Variants in LONRF1 observed in about 807,000 individuals in gnomAD.
LONRF1 encodes LON peptidase N-terminal domain and RING finger protein 1.
LONRF1 carries 37 observed loss-of-function variants against 85.8 expected under a neutral mutation model. That is an observed-to-expected ratio of 0.43 (90% CI 0.33 to 0.57). LONRF1 has a LOEUF of 0.57. LONRF1 is among the 20% of genes least tolerant of loss of function. The probability of loss-of-function intolerance (pLI) is 0.04; values close to 1 mark genes in which losing one functional copy is unlikely to be tolerated. For synonymous variants in LONRF1, 517 were observed against 390.1 expected (o/e 1.33, Z -3.83); for missense variants, 1,036 against 978.0 (o/e 1.06, Z -0.79).
Position 12,754,758 on chromosome 8 carries a change from T to C in LONRF1, c.663A>G (p.Leu221=), listed in dbSNP as rs777383370. The change falls in exon 1 of 12, where the codon CTA becomes CTG. Residue 221 remains leucine (L), a synonymous_variant. Coordinates refer to ENST00000398246, the MANE Select transcript of LONRF1 (RefSeq NM_152271.5). ...CCTCCCGGTAGCGCCCCTGGTGCAG[T>C]AGCTCCCCGAGCCTGCCGGCCGCCC... ...RARAAGRLGE[L]LHQGRYREAL... 8.2e-6 allele frequency: 12 copies of C among 1,459,940 alleles called. No homozygotes were observed. In the East Asian group the frequency reaches 1.5e-4, roughly 18 times the overall value. The allele number at this position is 1,459,940 out of a possible 1,614,324, so 90.4% of individuals were successfully genotyped here. A position where few individuals can be genotyped will look rare whatever the true frequency, so the allele number is the denominator to read the frequency against.
intron 2 of LONRF1, among the ~76,000 whole-genome samples, chr8:12,742,509 A>G (rs934952922): frequency 3.3e-5 from 5 of 152,314 alleles, no homozygotes; most frequent in Admixed American, 3.3e-4. Flanking sequence ...AATACCTCAA[A>G]AAGTTTCCAA....
Position 12,751,562 on chromosome 8 carries a change from C to A in LONRF1, c.721+3138G>T, listed in dbSNP as rs2117354824. 2.0e-5 allele frequency among the ~76,000 whole-genome samples: 3 copies of A among 151,720 alleles called. No individual in the cohort carries two copies. In the South Asian group the frequency reaches 6.3e-4, roughly 32 times the overall value. ...TCATGCGATCCGCCCGCCTCGGTCTCCCAAAGTGCTGGGATTACAGGTTTG... is the reference window on the plus strand; with the variant it reads ...TCATGCGATCCGCCCGCCTCGGTCTACCAAAGTGCTGGGATTACAGGTTTG... On this transcript the variant is annotated intron_variant, in intron 1 of 11. Transcript: ENST00000398246.
rs1366521553 is a variant in LONRF1 at position 12,740,965 on chromosome 8, T to C, written c.872A>G (p.Asp291Gly). 1.2e-6 allele frequency: 2 copies of C among 1,613,498 alleles called. No individual in the cohort carries two copies. Among genetic ancestry groups the C allele is most frequent in the East Asian group, 2.2e-5 (1 of 44,882 alleles). The change falls in exon 3 of 12, where the codon GAT becomes GGT. Residue 291 changes from aspartate (D) to glycine (G), a missense_variant. Asp to Gly is a moderately conservative substitution (Grantham distance 94). This residue lies in a region of LONRF1 where 742 missense variants were observed against 614.4 expected (regional missense o/e 1.21). Coordinates refer to ENST00000398246, the MANE Select transcript of LONRF1 (RefSeq NM_152271.5). ...TAAGGCATCACCTAAAAAACCAGCATCGCAGAGTACTTTTCCTTTCCTGAA... is the reference window on the plus strand; with the variant it reads ...TAAGGCATCACCTAAAAAACCAGCACCGCAGAGTACTTTTCCTTTCCTGAA... ...VYFRKGKVLC[D>G]AGFLGDALQL... is the part of the protein sequence containing the mutation.
At chr8:12,745,076 A>C (rs879313672) in intron 1 of LONRF1, among the ~76,000 whole-genome samples, 1 of 151,964 alleles carries the variant, frequency 6.6e-6, no homozygotes, top group Admixed American at 6.6e-5. Context: ...TATAAAATGT[A>C]TCCACTCTGA....
intron 11 of LONRF1, among the ~76,000 whole-genome samples, chr8:12,725,262 G>A (rs1798246630): frequency 6.6e-6 from 1 of 152,170 alleles, no homozygotes; most frequent in Non-Finnish European, 1.5e-5. Context: ...AAAATGAATT[G>A]AAGTGGTTGG....
At chr8:12,724,069 C>A (rs1231441553) in intron 11 of LONRF1, among the ~76,000 whole-genome samples, 6 of 152,144 alleles carry the variant, frequency 3.9e-5, no homozygotes, top group Non-Finnish European at 7.3e-5. Context: ...TCTCAGTAGG[C>A]CCCTCTAGAA....
At chr8:12,734,790 T>C (rs1255599683) in intron 7 of LONRF1, among the ~76,000 whole-genome samples, 1 of 152,198 alleles carries the variant, frequency 6.6e-6, no homozygotes, top group African/African-American at 2.4e-5. Flanking sequence ...TCAGTGACAC[T>C]AACCATATTT....
intron 11 of LONRF1, among the ~76,000 whole-genome samples, 195 bp downstream of exon 11, chr8:12,725,532 C>T (rs1001410304): frequency 1.4e-4 from 22 of 152,156 alleles, no homozygotes; most frequent in African/African-American, 5.3e-4. Context: ...TTTCCAGCCT[C>T]TATCTGTACG....
chr8:12,732,345 G>C (rs934175965), intron 7 of LONRF1, among the ~76,000 whole-genome samples: 4 of 152,052 alleles, frequency 2.6e-5, no homozygotes, highest in South Asian at 2.1e-4. Context: ...TTCTTCCATT[G>C]TCACCCACTA....
intron 3 of LONRF1, among the ~76,000 whole-genome samples, chr8:12,739,876 G>A (rs1798863628): frequency 6.6e-6 from 1 of 152,092 alleles, no homozygotes; most frequent in Non-Finnish European, 1.5e-5. Context: ...TAAATCAGTG[G>A]GCTAGAATGT....
At chr8:12,726,311 C>T (rs1585219814) in intron 10 of LONRF1, among the ~76,000 whole-genome samples, 1 of 151,832 alleles carries the variant, frequency 6.6e-6, no homozygotes, top group Non-Finnish European at 1.5e-5. Context: ...GATGACATGA[C>T]AGAAAGTAGT....
At position 12,722,963 on chromosome 8, in the gene LONRF1, T is replaced by G; in HGVS notation, c.*133A>C. On this transcript the variant is annotated 3_prime_UTR_variant, in exon 12 of 12. Coordinates refer to ENST00000398246, the MANE Select transcript of LONRF1 (RefSeq NM_152271.5). ...GTATTCATTTGCAGAACCACATGAT[T>G]CAGGAGGTCGAAGGAAAAAGAAAAG... 1.2e-6 allele frequency: 1 copy of G among 806,666 alleles called. No homozygotes were observed. The highest frequency in any genetic ancestry group is 2.5e-5 in the East Asian group (1 of 39,268). 50.0% of individuals were successfully genotyped at this position (806,666 alleles called of 1,614,324 possible). A position where few individuals can be genotyped will look rare whatever the true frequency, so the allele number is the denominator to read the frequency against.
intron 10 of LONRF1, among the ~76,000 whole-genome samples, chr8:12,726,791 C>G (rs1265414661): frequency 6.6e-6 from 1 of 152,124 alleles, no homozygotes; most frequent in Non-Finnish European, 1.5e-5. Context: ...ACTCTGAAAA[C>G]ATTTCGAAAT....
chr8:12,732,854 T>G lies in LONRF1; in HGVS notation c.1567-997A>C, dbSNP rs1334587343. Among the ~76,000 whole-genome samples the G allele has an allele frequency of 3.3e-5, 5 of 152,304 alleles. No homozygotes were observed. In the East Asian group the frequency reaches 9.6e-4, roughly 29 times the overall value. ...TACAAAGAAAATGCCCAATACATAT[T>G]TATTTCATAAAATTAGTGAGGAAAA... On this transcript the variant is annotated intron_variant, in intron 7 of 11. Coordinates refer to ENST00000398246, the MANE Select transcript of LONRF1 (RefSeq NM_152271.5).
At chr8:12,740,831 T>C (rs1055658547) in intron 3 of LONRF1, 43 bp downstream of exon 3, 2 of 1,598,678 alleles carry the variant, frequency 1.3e-6, no homozygotes, top group East Asian at 2.2e-5. Context: ...CCTGTCTGCC[T>C]CTTAGCCCTA....
intron 1 of LONRF1, among the ~76,000 whole-genome samples, chr8:12,749,591 G>C (rs1799297423): frequency 1.3e-5 from 2 of 152,206 alleles, no homozygotes; most frequent in South Asian, 4.1e-4. Context: ...AGAAATCTAA[G>C]ATAATTCAGT....
In LONRF1 at chr8:12,725,731, A is replaced by C; in HGVS notation, c.2159T>G (p.Leu720Arg). The change falls in exon 11 of 12, where the codon CTT becomes CGT. Residue 720 changes from leucine (L) to arginine (R), a missense_variant. Leu to Arg is a moderately radical substitution (Grantham distance 102). This residue lies in a region of LONRF1 where 265 missense variants were observed against 301.5 expected (regional missense o/e 0.88). Transcript: ENST00000398246. ...AGAACAGAAAAGCCACCATACCTGA[A>C]GGTTTTCCTCCCTCTCGGGCATTGA... Reference protein sequence around the residue: ...FGSMPEREENLQAAPNGPAWC... With the variant: ...FGSMPEREENRQAAPNGPAWC... The C allele has an allele frequency of 6.2e-7, 1 of 1,610,590 alleles. No individual in the cohort carries two copies. Among genetic ancestry groups the C allele is most frequent in the Non-Finnish European group, 8.5e-7 (1 of 1,177,218 alleles).
rs1019962755 is a variant in LONRF1, at chr8:12,753,777, G to A, written c.721+923C>T. The stretch of plus-strand genomic sequence containing the variant: ...AAGAAAGTGCTAACCTAGGTTAGGA[G>A]GCCGAGGCTGCTTCTTGGAGACTAA... On this transcript the variant is annotated intron_variant, in intron 1 of 11. Coordinates refer to ENST00000398246, the MANE Select transcript of LONRF1 (RefSeq NM_152271.5). 7.2e-5 allele frequency: 11 copies of A among 152,304 alleles called. No individual in the cohort carries two copies. The East Asian group carries it at 1.9e-3, about 27-fold the overall frequency. 9.4% of individuals were successfully genotyped at this position (152,304 alleles called of 1,614,324 possible).
intron 1 of LONRF1, among the ~76,000 whole-genome samples, chr8:12,750,063 A>T (rs1012827472): frequency 1.3e-5 from 2 of 152,220 alleles, no homozygotes; most frequent in African/African-American, 4.8e-5. Context: ...ATATGCACAT[A>T]TTTGGGTTCT....
Sources: gnomAD v4.1 joint callset for allele counts (sites outside exome capture counted in the v4.1 genomes callset) on GRCh38, gnomAD v4.1.1 for gene constraint, gnomAD v4.1.1 regional missense constraint, MANE v1.5 for transcripts, NCBI Gene and HGNC (gene_info 2026-07-23, HGNC 2026-07-21) for gene names.